The following GLRA3 variants were observed in gnomAD, a reference collection of about 807,000 sequenced individuals.
GLRA3 encodes glycine receptor subunit alpha-3.
Under a neutral mutation model 60.4 loss-of-function variants are expected in GLRA3, and 44 were observed. The ratio of observed to expected loss-of-function variants is 0.73; its 90% confidence interval spans 0.57 to 0.94. The LOEUF (loss-of-function observed/expected upper bound fraction) is 0.94. Among genes scored for constraint, GLRA3 ranks in the 40% least tolerant of loss-of-function variants. The pLI is 0.00. For missense variants in GLRA3, 508 were observed against 564.6 expected (o/e 0.90, Z 1.02); for synonymous variants, 223 against 192.9 (o/e 1.16, Z -1.29).
chr4:174,646,586 C>T (rs1732827692), intron 9 of GLRA3, among the ~76,000 whole-genome samples: 1 of 152,150 alleles, frequency 6.6e-6, no homozygotes, highest in Non-Finnish European at 1.5e-5. Flanking sequence ...TGGTTTGGAA[C>T]AAAGGCTGTG....
chr4:174,687,316 T>G (rs1254060740), intron 5 of GLRA3, among the ~76,000 whole-genome samples: 1 of 152,224 alleles, frequency 6.6e-6, no homozygotes, highest in Non-Finnish European at 1.5e-5. Flanking sequence ...TTAACAATTA[T>G]TAATTTTAGT....
chr4:174,816,890 A>G (rs1448059009), intron 1 of GLRA3, among the ~76,000 whole-genome samples: 3 of 152,034 alleles, frequency 2.0e-5, no homozygotes, highest in African/African-American at 7.3e-5. Context: ...TGTGCATGAG[A>G]TTTTTTGATA....
intron 5 of GLRA3, among the ~76,000 whole-genome samples, chr4:174,687,273 T>G (rs980550043): frequency 2.0e-5 from 3 of 152,226 alleles, no homozygotes; most frequent in African/African-American, 7.2e-5. Flanking sequence ...ATGCCACTTT[T>G]ATTTCGGAAT....
At chr4:174,769,682 G>A (rs1395694382) in intron 2 of GLRA3, among the ~76,000 whole-genome samples, 2 of 152,056 alleles carry the variant, frequency 1.3e-5, no homozygotes, top group South Asian at 2.1e-4. Flanking sequence ...TGGGATCCTC[G>A]TTCATGGTCC....
intron 2 of GLRA3, among the ~76,000 whole-genome samples, chr4:174,770,101 A>G (rs555695989): frequency 2.6e-5 from 4 of 152,258 alleles, no homozygotes; most frequent in Non-Finnish European, 4.4e-5. Flanking sequence ...CATGATTTTC[A>G]TCTTAATTTG....
chr4:174,764,552 G>T (rs1245198524), intron 3 of GLRA3, among the ~76,000 whole-genome samples: 1 of 68,674 alleles, frequency 1.5e-5, no homozygotes, highest in Non-Finnish European at 3.2e-5. Context: ...GACAGACTCC[G>T]TCTCAAAAAA....
chr4:174,721,551 CT>C (rs1736129479), intron 4 of GLRA3, among the ~76,000 whole-genome samples: 1 of 151,370 alleles, frequency 6.6e-6, no homozygotes, highest in Non-Finnish European at 1.5e-5. Context: ...GAATGAGGCA[CT>C]AAAAACTATC....
intron 7 of GLRA3, among the ~76,000 whole-genome samples, chr4:174,670,812 T>C (rs999867718): frequency 1.2e-4 from 18 of 152,238 alleles, no homozygotes; most frequent in Admixed American, 2.0e-4. Context: ...GGTCCTAAGA[T>C]GAAATGTAGA....
chr4:174,783,012 T>C (rs1359318199), intron 2 of GLRA3, among the ~76,000 whole-genome samples: 4 of 152,074 alleles, frequency 2.6e-5, no homozygotes, highest in African/African-American at 9.7e-5. Flanking sequence ...CATCACCAAC[T>C]CAATCCTAAG....
Position 174,757,562 on chromosome 4 carries a change from G to C in GLRA3, c.267+9401C>G, listed in dbSNP as rs181476596. The stretch of plus-strand genomic sequence containing the variant: ...AAGCTAAGGGAATAAACTCCCAGTG[G>C]CCAAACTGAACAATTTGAGCAGCAA... On this transcript the variant is annotated intron_variant, in intron 3 of 9. Transcript: ENST00000274093. Among the ~76,000 whole-genome samples, 323 of 152,256 alleles carry C rather than the reference G, an allele frequency of 2.1e-3. 2 individuals are homozygous for C. The highest frequency in any genetic ancestry group is 0.014 in the South Asian group (69 of 4,824).
intron 8 of GLRA3, among the ~76,000 whole-genome samples, chr4:174,657,659 G>A (rs1733263364): frequency 6.6e-6 from 1 of 151,968 alleles, no homozygotes; most frequent in Non-Finnish European, 1.5e-5. Context: ...TGGAGAGGGA[G>A]AGAGAAGAGG....
chr4:174,658,130 G>A (rs1009191527), intron 8 of GLRA3, among the ~76,000 whole-genome samples: 2 of 152,254 alleles, frequency 1.3e-5, no homozygotes, highest in African/African-American at 4.8e-5. Context: ...TGCACACTAT[G>A]TGAACTAGAC....
At chr4:174,670,495 A>T (rs1733864062) in intron 7 of GLRA3, among the ~76,000 whole-genome samples, 1 of 152,166 alleles carries the variant, frequency 6.6e-6, no homozygotes, top group Non-Finnish European at 1.5e-5. Context: ...TAGGATATAT[A>T]TGAACGTGGT....
At chr4:174,680,627 T>C (rs1245152363) in intron 6 of GLRA3, among the ~76,000 whole-genome samples, 1 of 152,114 alleles carries the variant, frequency 6.6e-6, no homozygotes, top group Non-Finnish European at 1.5e-5. Context: ...AGCAAGTCAT[T>C]GTGGCAGGGT....
chr4:174,804,806 G>T (rs1221460577), intron 1 of GLRA3, among the ~76,000 whole-genome samples: 4 of 152,120 alleles, frequency 2.6e-5, no homozygotes, highest in African/African-American at 4.8e-5. Context: ...TGATGGGGTG[G>T]TGTCTGCTTT....
At chr4:174,736,998 C>A (rs1736817839) in intron 3 of GLRA3, among the ~76,000 whole-genome samples, 2 of 152,168 alleles carry the variant, frequency 1.3e-5, no homozygotes, top group South Asian at 4.1e-4. Context: ...CTTGTAAAGG[C>A]CTAACAGCTT....
rs182250440 is a variant in GLRA3, at chr4:174,698,210, G to C, written c.575-15271C>G. Among the ~76,000 whole-genome samples, 267 of 152,120 alleles carry C rather than the reference G, an allele frequency of 1.8e-3. 1 individual carries two copies. Among genetic ancestry groups the C allele is most frequent in the African/African-American group, 6.1e-3 (254 of 41,476 alleles). On this transcript the variant is annotated intron_variant, in intron 5 of 9. Coordinates refer to ENST00000274093, the MANE Select transcript of GLRA3 (RefSeq NM_006529.4). ...TTTTGATATATTTATATATTTTTTA[G>C]AGATAGGGTCTCACTCTGTTGCCCA... is the stretch of plus-strand genomic sequence containing the variant.
At chr4:174,754,875 C>T (rs1463094037) in intron 3 of GLRA3, among the ~76,000 whole-genome samples, 1 of 152,062 alleles carries the variant, frequency 6.6e-6, no homozygotes, top group Non-Finnish European at 1.5e-5. Flanking sequence ...TCATGGAGAA[C>T]TCTCCATAAA....
At chr4:174,823,720 T>TTA (rs1702247707) in intron 1 of GLRA3, among the ~76,000 whole-genome samples, 2 of 152,154 alleles carry the variant, frequency 1.3e-5, no homozygotes, top group South Asian at 4.1e-4. Flanking sequence ...TGAGAAAACT[T>TTA]GAGTAAAGTA....
Sources: allele counts gnomAD v4.1 joint callset (sites outside exome capture counted in the v4.1 genomes callset), GRCh38; gene constraint gnomAD v4.1.1; transcripts MANE v1.5; gene names NCBI Gene and HGNC (gene_info 2026-07-23, HGNC 2026-07-21).